The following SORBS2 variants were observed in gnomAD, a reference collection of about 807,000 sequenced individuals.
SORBS2 encodes the protein sorbin and SH3 domain-containing protein 2.
A neutral mutation model predicts 97.7 loss-of-function variants in SORBS2; 46 were observed. The ratio of observed to expected loss-of-function variants is 0.47; its 90% CI spans 0.37 to 0.60. The LOEUF (loss-of-function observed/expected upper bound fraction) is 0.60, where lower values mean the gene tolerates loss of function less well. Ranked by LOEUF, SORBS2 falls within the 20% of genes least tolerant of loss-of-function variation. SORBS2 has a pLI of 0.00. For synonymous variants in SORBS2, 476 were observed against 473.4 expected (o/e 1.01, Z -0.07); for missense variants, 1,316 against 1,282.3 (o/e 1.03, Z -0.40).
chr4:185,744,208 G>A (rs1291787167), intron 2 of SORBS2, among the ~76,000 whole-genome samples: 1 of 151,096 alleles, frequency 6.6e-6, no homozygotes, highest in Non-Finnish European at 1.5e-5. Flanking sequence ...ATGGTTGGAT[G>A]CTATTATAAT....
intron 4 of SORBS2, among the ~76,000 whole-genome samples, 171 bp downstream of exon 14, chr4:185,638,706 G>A (rs200684837): frequency 1.3e-5 from 2 of 151,628 alleles, no homozygotes; most frequent in East Asian, 3.9e-4. Context: ...GCTGGGGGGA[G>A]GGGGACAGGG....
intron 1 of SORBS2, among the ~76,000 whole-genome samples, chr4:185,828,359 A>G (rs1366171035): frequency 6.6e-6 from 1 of 152,110 alleles, no homozygotes; most frequent in Non-Finnish European, 1.5e-5. Context: ...TCTTGGAGAC[A>G]GACTCACTTG....
At chr4:185,785,498 C>T (rs1337895835) in intron 1 of SORBS2, among the ~76,000 whole-genome samples, 1 of 152,170 alleles carries the variant, frequency 6.6e-6, no homozygotes, top group Non-Finnish European at 1.5e-5. Flanking sequence ...TTTCTAGTCA[C>T]ATGTGCCAAG....
At chr4:185,635,954 G>T (rs1239477168) in intron 4 of SORBS2, among the ~76,000 whole-genome samples, 1 of 152,154 alleles carries the variant, frequency 6.6e-6, no homozygotes, top group African/African-American at 2.4e-5. Context: ...TGCCACCAGG[G>T]TTCAAGTGAT....
chr4:185,778,598 A>G (rs10006147), intron 1 of SORBS2, among the ~76,000 whole-genome samples: 6,090 of 152,224 alleles, frequency 0.04, 372 homozygotes, highest in East Asian at 0.21. Context: ...AAACTTTTAC[A>G]AACACCAGTA....
At chr4:185,860,338 A>G (rs1486566102) in intron 1 of SORBS2, among the ~76,000 whole-genome samples, 1 of 152,222 alleles carries the variant, frequency 6.6e-6, no homozygotes, top group Non-Finnish European at 1.5e-5. Flanking sequence ...TTAATAGTTG[A>G]CAATTTCGAT....
At chr4:185,789,784 A>G (rs1018804938) in intron 1 of SORBS2, among the ~76,000 whole-genome samples, 2 of 152,166 alleles carry the variant, frequency 1.3e-5, no homozygotes, top group African/African-American at 4.8e-5. Flanking sequence ...TTTAAGCATT[A>G]GAAGTTTTTG....
At chr4:185,662,328 A>G in intron 4 of SORBS2, 86 bp from the exon 8 acceptor site, 2 of 1,352,270 alleles carry the variant, frequency 1.5e-6, no homozygotes, top group Admixed American at 2.2e-5. Flanking sequence ...AAAGACTTCC[A>G]ATCACATGAG....
chr4:185,667,602 A>G (rs2097635433), intron 4 of SORBS2, among the ~76,000 whole-genome samples: 1 of 151,484 alleles, frequency 6.6e-6, no homozygotes, highest in Non-Finnish European at 1.5e-5. Context: ...AGAAACCCCA[A>G]CCTTGGATAA....
At chr4:185,815,390 G>T (rs1411501923) in intron 1 of SORBS2, among the ~76,000 whole-genome samples, 2 of 151,852 alleles carry the variant, frequency 1.3e-5, no homozygotes, top group Admixed American at 6.6e-5. Context: ...ATTATTAAAG[G>T]TTATTAAGAT....
intron 1 of SORBS2, among the ~76,000 whole-genome samples, chr4:185,893,460 G>A (rs574292812): frequency 5.3e-5 from 8 of 152,274 alleles, no homozygotes; most frequent in African/African-American, 1.4e-4. Flanking sequence ...TGGGAGACCC[G>A]GGCCCTTCAG....
chr4:185,649,344 A>T, intron 3 of SORBS2, 123 bp downstream of exon 12: 1 of 784,064 alleles, frequency 1.3e-6, no homozygotes, highest in Non-Finnish European at 2.0e-6. Flanking sequence ...GTATATGTAT[A>T]GACTAGCAAG....
intron 1 of SORBS2, among the ~76,000 whole-genome samples, chr4:185,784,109 C>G (rs1324715455): frequency 2.0e-5 from 3 of 152,096 alleles, no homozygotes; most frequent in Admixed American, 6.6e-5. Flanking sequence ...CGACACTAAC[C>G]TCCCGAGAAG....
At chr4:185,718,833 C>G (rs1562102333) in intron 2 of SORBS2, among the ~76,000 whole-genome samples, 1 of 152,154 alleles carries the variant, frequency 6.6e-6, no homozygotes, top group South Asian at 2.1e-4. Flanking sequence ...GTTATGTTCC[C>G]TTAATCTCCA....
chr4:185,637,606 A>T (rs2097038282), intron 4 of SORBS2, among the ~76,000 whole-genome samples: 1 of 152,098 alleles, frequency 6.6e-6, no homozygotes. Context: ...TAACCCCTCC[A>T]GTCCCCATTT....
At chr4:185,853,576 G>C (rs1242606476) in intron 1 of SORBS2, among the ~76,000 whole-genome samples, 1 of 152,136 alleles carries the variant, frequency 6.6e-6, no homozygotes, top group Non-Finnish European at 1.5e-5. Context: ...GCCCAGTTTT[G>C]GGGAGAAATA....
chr4:185,727,085 C>T (rs1458428844), intron 2 of SORBS2, among the ~76,000 whole-genome samples: 2 of 152,130 alleles, frequency 1.3e-5, no homozygotes, highest in Admixed American at 6.5e-5. Context: ...CCTGGACAGA[C>T]GCCACCACAA....
intron 6 of SORBS2, among the ~76,000 whole-genome samples, chr4:185,625,240 A>G (rs1290981425): frequency 6.6e-6 from 1 of 152,248 alleles, no homozygotes; most frequent in African/African-American, 2.4e-5. Flanking sequence ...TCAGAGGTGC[A>G]TATACCATGC....
intron 1 of SORBS2, among the ~76,000 whole-genome samples, chr4:185,925,374 A>C (rs1403237204): frequency 4.6e-5 from 7 of 152,122 alleles, no homozygotes; most frequent in Non-Finnish European, 7.4e-5. Flanking sequence ...AATTATAATT[A>C]GTGCAAGAAA....
Sources: allele counts gnomAD v4.1 joint callset (sites outside exome capture counted in the v4.1 genomes callset), GRCh38; gene constraint gnomAD v4.1.1; transcripts MANE v1.5; gene names NCBI Gene and HGNC (gene_info 2026-07-23, HGNC 2026-07-21).